Variants in MMP16 observed in about 807,000 individuals in gnomAD.
MMP16 encodes the protein matrix metallopeptidase 16, also known as matrix metalloproteinase-16.
MMP16 carries 12 observed loss-of-function variants against 67.8 expected under a neutral mutation model. That is an observed-to-expected ratio of 0.18 (90% CI 0.11 to 0.29). The LOEUF (loss-of-function observed/expected upper bound fraction) is 0.29. MMP16 is among the 10% of genes least tolerant of loss of function. The pLI, the probability that MMP16 is intolerant of heterozygous loss-of-function variation, is 1.00. For missense variants in MMP16, 475 were observed against 765.7 expected, an observed-to-expected ratio of 0.62 and a Z score of 4.48; for synonymous variants, 249 against 255.9, an observed-to-expected ratio of 0.97 and a Z score of 0.26.
Position 88,118,773 on chromosome 8 carries a change from T to A in MMP16, c.798A>T (p.Pro266=). The A allele has an allele frequency of 1.2e-6, 2 of 1,613,450 alleles. No individual in the cohort carries two copies. Among genetic ancestry groups the A allele is most frequent in the Non-Finnish European group, 1.7e-6 (2 of 1,179,590 alleles). The change falls in exon 5 of 10, where the codon CCA becomes CCT. Residue 266 remains proline, a synonymous_variant. Coordinates refer to ENST00000286614, the MANE Select transcript of MMP16 (RefSeq NM_005941.5). The part of the protein sequence containing the change: ...HSNDPTAIMA[P]FYQYMETDNF... The stretch of plus-strand genomic sequence containing the variant: ...TGTCTGTTTCCATGTACTGGTAAAA[T>A]GGAGCCATGATGGCAGTGGGGTCAT...
intron 1 of MMP16, among the ~76,000 whole-genome samples, chr8:88,246,651 T>C (rs1810117147): frequency 6.6e-6 from 1 of 152,166 alleles, no homozygotes; most frequent in African/African-American, 2.4e-5. Flanking sequence ...AGTTAAAGAA[T>C]TAGTCATGTA....
At chr8:88,325,323 T>C (rs553889377) in intron 1 of MMP16, among the ~76,000 whole-genome samples, 2 of 152,198 alleles carry the variant, frequency 1.3e-5, no homozygotes, top group African/African-American at 2.4e-5. Context: ...AAAACTCATG[T>C]TATCCTAACC....
intron 1 of MMP16, among the ~76,000 whole-genome samples, chr8:88,245,226 A>T (rs1036367606): frequency 1.3e-5 from 2 of 152,188 alleles, no homozygotes; most frequent in Non-Finnish European, 2.9e-5. Context: ...ATGTTTCCAT[A>T]TCGTAGTTAG....
chr8:88,163,411 C>A (rs1205017964), intron 4 of MMP16, among the ~76,000 whole-genome samples: 1 of 151,982 alleles, frequency 6.6e-6, no homozygotes, highest in African/African-American at 2.4e-5. Context: ...GCTACCACAG[C>A]GTTGATAACC....
At chr8:88,267,222 T>C (rs1447753740) in intron 1 of MMP16, among the ~76,000 whole-genome samples, 3 of 152,222 alleles carry the variant, frequency 2.0e-5, no homozygotes, top group African/African-American at 7.2e-5. Context: ...ATTTGATTCT[T>C]ATAAAATTCT....
chr8:88,116,844 T>C (rs1809446341), intron 5 of MMP16, 126 bp from the exon 6 acceptor site: 1 of 826,884 alleles, frequency 1.2e-6, no homozygotes, highest in Non-Finnish European at 1.9e-6. Flanking sequence ...GTCTTTAAGA[T>C]CGTATATTTT....
intron 1 of MMP16, among the ~76,000 whole-genome samples, chr8:88,229,218 G>T (rs1809820759): frequency 6.6e-6 from 1 of 152,048 alleles, no homozygotes; most frequent in Non-Finnish European, 1.5e-5. Context: ...TTGATATTTT[G>T]TGAATATGCT....
Position 88,058,128 on chromosome 8 carries a change from A to C in MMP16, c.1223-1850T>G, listed in dbSNP as rs1808354128. On this transcript the variant is annotated intron_variant, in intron 7 of 9. Coordinates refer to ENST00000286614, the MANE Select transcript of MMP16 (RefSeq NM_005941.5). This position sits in a 1 kb window ranked among gnomAD's most constrained non-coding sequence, Gnocchi z 4.2. ...CATTCAGAGCAGAGGACAGTCTGGG[A>C]TGATCAACAAATTGAAAGAAGATCA... Among the ~76,000 whole-genome samples, 1 of 152,170 alleles carries C rather than the reference A, an allele frequency of 6.6e-6. No homozygotes were observed. The highest frequency in any genetic ancestry group is 1.5e-5 in the Non-Finnish European group (1 of 68,030).
chr8:88,098,761 C>T (rs1044173003), intron 6 of MMP16, among the ~76,000 whole-genome samples: 1 of 151,646 alleles, frequency 6.6e-6, no homozygotes, highest in African/African-American at 2.4e-5. Flanking sequence ...AAAGAAAATA[C>T]AAGTATAATA....
intron 1 of MMP16, among the ~76,000 whole-genome samples, chr8:88,229,036 C>T (rs1346770230): frequency 6.6e-6 from 1 of 151,766 alleles, no homozygotes; most frequent in Non-Finnish European, 1.5e-5. Flanking sequence ...TAGTACACAC[C>T]TGTAGTACCA....
At chr8:88,056,814 A>G (rs1411450046) in intron 7 of MMP16, among the ~76,000 whole-genome samples, 2 of 152,266 alleles carry the variant, frequency 1.3e-5, no homozygotes, top group East Asian at 1.9e-4. Flanking sequence ...ATGCCCTCTT[A>G]TAACTGTTAA....
At chr8:88,326,861 C>T (rs566400164) in intron 1 of MMP16, 2 of 513,882 alleles carry the variant, frequency 3.9e-6, no homozygotes, top group Admixed American at 3.2e-5. Flanking sequence ...CGCGCAGCAT[C>T]GTGCTTTGTG....
intron 4 of MMP16, among the ~76,000 whole-genome samples, chr8:88,157,714 C>T (rs1198177005): frequency 6.6e-6 from 1 of 152,016 alleles, no homozygotes; most frequent in African/African-American, 2.4e-5. Flanking sequence ...GGTACATGTG[C>T]ACAATGTGCA....
At chr8:88,269,377 C>A (rs1368472228) in intron 1 of MMP16, among the ~76,000 whole-genome samples, 1 of 152,056 alleles carries the variant, frequency 6.6e-6, no homozygotes, top group Non-Finnish European at 1.5e-5. Flanking sequence ...AACACCTTCA[C>A]AGGGCAACCA....
chr8:88,255,346 C>T (rs2129934645), intron 1 of MMP16, among the ~76,000 whole-genome samples: 1 of 152,316 alleles, frequency 6.6e-6, no homozygotes, highest in Non-Finnish European at 1.5e-5. Flanking sequence ...TCGCCAGAAG[C>T]AGATGCCAGC....
intron 2 of MMP16, among the ~76,000 whole-genome samples, chr8:88,195,136 TAA>T (rs147955404): frequency 3.4e-3 from 516 of 152,136 alleles, no homozygotes; most frequent in African/African-American, 0.012. Context: ...AGGGCCCAAA[TAA>T]AACCTGTGCA....
intron 9 of MMP16, among the ~76,000 whole-genome samples, chr8:88,042,169 T>C (rs28988877): frequency 9.3e-4 from 142 of 152,342 alleles, no homozygotes; most frequent in African/African-American, 3.2e-3. Context: ...CCAACCTATA[T>C]TGAAAGATGC....
chr8:88,223,220 T>A (rs544861550), intron 1 of MMP16, among the ~76,000 whole-genome samples: 1 of 152,138 alleles, frequency 6.6e-6, no homozygotes, highest in South Asian at 2.1e-4. Flanking sequence ...TGTGGAGAAA[T>A]AGGAATGCTT....
At chr8:88,296,872 A>T (rs2130032453) in intron 1 of MMP16, among the ~76,000 whole-genome samples, 1 of 151,944 alleles carries the variant, frequency 6.6e-6, no homozygotes, top group Non-Finnish European at 1.5e-5. Flanking sequence ...CTTGCAATAA[A>T]GTAGATAGAG....
Sources: gnomAD v4.1 joint callset for allele counts (sites outside exome capture counted in the v4.1 genomes callset) on GRCh38, gnomAD v4.1.1 for gene constraint, Gnocchi (gnomAD v3.1) non-coding constraint, MANE v1.5 for transcripts, NCBI Gene and HGNC (gene_info 2026-07-23, HGNC 2026-07-21) for gene names.